CHKA: variants seen among roughly 807,000 people sequenced by gnomAD.
CHKA encodes choline kinase alpha, also known as CHETK-alpha.
Under a neutral mutation model 60.1 loss-of-function variants are expected in CHKA, and 34 were observed. That is an observed-to-expected ratio of 0.57 (90% CI 0.43 to 0.75). CHKA has a LOEUF of 0.75. Among genes scored for constraint, CHKA ranks in the 30% least tolerant of loss-of-function variants. CHKA has a pLI of 0.00. For synonymous variants in CHKA, 217 were observed against 223.1 expected (o/e 0.97, Z 0.24); for missense variants, 563 against 561.3 (o/e 1.00, Z -0.03).
chr11:68,065,949 C>T, intron 8 of CHKA, 55 bp from the exon 9 acceptor site: 1 of 1,251,680 alleles, frequency 8.0e-7, no homozygotes, highest in Non-Finnish European at 1.1e-6. Flanking sequence ...TGCCTGGAGG[C>T]TCCCTGACTG....
At chr11:68,069,800 G>T (rs1014691093) in intron 6 of CHKA, among the ~76,000 whole-genome samples, 2 of 152,130 alleles carry the variant, frequency 1.3e-5, no homozygotes, top group Non-Finnish European at 2.9e-5. Flanking sequence ...TGAAGACTCT[G>T]TTTCTCGCAA....
intron 11 of CHKA, among the ~76,000 whole-genome samples, chr11:68,056,952 G>A (rs2134484725): frequency 6.6e-6 from 1 of 152,310 alleles, no homozygotes; most frequent in Middle Eastern, 3.4e-3. Context: ...CCAATATATG[G>A]CTAGTTGGTC....
At position 68,098,637 on chromosome 11, in the gene CHKA, T is replaced by C. The variant is rs145962104; in HGVS notation, c.351-1507A>G. On this transcript the variant is annotated intron_variant, in intron 1 of 11. Transcript: ENST00000265689. ...TGCCACTAAACTATATATTTTTAAA[T>C]TGTTAAAATTGTATTTTTAATGCTG... Among the ~76,000 whole-genome samples, 587 of 152,304 alleles carry C rather than the reference T, an allele frequency of 3.9e-3. 6 individuals carry two copies. The highest frequency in any genetic ancestry group is 0.014 in the African/African-American group (570 of 41,556).
At chr11:68,111,215 C>G (rs1037086755) in intron 1 of CHKA, among the ~76,000 whole-genome samples, 3 of 151,844 alleles carry the variant, frequency 2.0e-5, no homozygotes, top group Non-Finnish European at 4.4e-5. Context: ...AGTTCGAGAC[C>G]AGCCTGGCCA....
At chr11:68,101,407 T>G (rs1857717167) in intron 1 of CHKA, among the ~76,000 whole-genome samples, 1 of 152,216 alleles carries the variant, frequency 6.6e-6, no homozygotes, top group African/African-American at 2.4e-5. Context: ...ATCTTACATA[T>G]AGAAAACCCT....
chr11:68,095,019 C>T (rs531973404), intron 2 of CHKA, among the ~76,000 whole-genome samples: 5 of 152,134 alleles, frequency 3.3e-5, no homozygotes, highest in Non-Finnish European at 5.9e-5. Context: ...TTAGATTGAG[C>T]TGAAATAGGC....
intron 2 of CHKA, among the ~76,000 whole-genome samples, chr11:68,082,959 TG>T (rs1365554521): frequency 6.6e-6 from 1 of 152,238 alleles, no homozygotes; most frequent in African/African-American, 2.4e-5. Context: ...TCTTTGCAGA[TG>T]GTTTGATGTG....
chr11:68,058,479 CTTCT>C (rs1025980997), intron 11 of CHKA, among the ~76,000 whole-genome samples: 16 of 152,268 alleles, frequency 1.1e-4, no homozygotes, highest in African/African-American at 2.6e-4. Context: ...ATTTATTTCA[CTTCT>C]TTATTTTTTA....
intron 10 of CHKA, among the ~76,000 whole-genome samples, 193 bp downstream of exon 10, chr11:68,064,332 C>T (rs1390600446): frequency 3.3e-5 from 5 of 151,620 alleles, no homozygotes; most frequent in South Asian, 4.2e-4. Flanking sequence ...TGCTTGAACC[C>T]GGGAGGCGGA....
intron 11 of CHKA, among the ~76,000 whole-genome samples, chr11:68,055,252 C>T (rs1329458876): frequency 1.3e-5 from 2 of 152,066 alleles, no homozygotes; most frequent in Admixed American, 6.6e-5. Flanking sequence ...TAGCTGGGTG[C>T]GGTGGCGGGC....
At chr11:68,117,155 G>A (rs554402309) in intron 1 of CHKA, among the ~76,000 whole-genome samples, 1 of 152,224 alleles carries the variant, frequency 6.6e-6, no homozygotes, top group South Asian at 2.1e-4. Context: ...GACACAGAGG[G>A]GAAAGAAATT....
intron 10 of CHKA, among the ~76,000 whole-genome samples, chr11:68,063,174 T>C (rs984653564): frequency 5.9e-5 from 9 of 152,040 alleles, no homozygotes; most frequent in Non-Finnish European, 1.0e-4. Context: ...AAACACAGCA[T>C]ATGGTGGCCG....
intron 2 of CHKA, among the ~76,000 whole-genome samples, chr11:68,096,789 T>C (rs1448102965): frequency 3.3e-5 from 5 of 152,180 alleles, no homozygotes; most frequent in African/African-American, 4.8e-5. Context: ...GATGTAAAAC[T>C]GGGAATACTT....
At chr11:68,062,727 A>G (rs1221472211) in intron 10 of CHKA, among the ~76,000 whole-genome samples, 1 of 152,180 alleles carries the variant, frequency 6.6e-6, no homozygotes, top group Non-Finnish European at 1.5e-5. Flanking sequence ...CCGGCCCACA[A>G]GAGTCCCGTG....
chr11:68,096,909 T>C, intron 2 of CHKA, 110 bp downstream of exon 2: 1 of 665,462 alleles, frequency 1.5e-6, no homozygotes, highest in Non-Finnish European at 2.5e-6. Context: ...TACTCAAATA[T>C]CTTTAGTAAC....
At chr11:68,088,217 T>C (rs1857247692) in intron 2 of CHKA, among the ~76,000 whole-genome samples, 1 of 151,924 alleles carries the variant, frequency 6.6e-6, no homozygotes, top group Non-Finnish European at 1.5e-5. Flanking sequence ...TCCATCTTTC[T>C]ACTAATCTGG....
intron 1 of CHKA, among the ~76,000 whole-genome samples, chr11:68,119,142 C>A (rs557871869): frequency 6.6e-6 from 1 of 152,164 alleles, no homozygotes; most frequent in Non-Finnish European, 1.5e-5. Flanking sequence ...TTGGAGAGAG[C>A]TGAATTTTTT....
intron 11 of CHKA, among the ~76,000 whole-genome samples, chr11:68,059,348 TA>T (rs1856139092): frequency 6.6e-6 from 1 of 152,244 alleles, no homozygotes; most frequent in Non-Finnish European, 1.5e-5. Flanking sequence ...TTCATTCTGT[TA>T]ATATGAAGAA....
At chr11:68,084,138 T>C (rs1215595910) in intron 2 of CHKA, among the ~76,000 whole-genome samples, 2 of 150,332 alleles carry the variant, frequency 1.3e-5, no homozygotes, top group Non-Finnish European at 3.0e-5. Context: ...TCCCAGCTAC[T>C]CAGGAGGCTG....
Sources: allele counts gnomAD v4.1 joint callset (sites outside exome capture counted in the v4.1 genomes callset), GRCh38; gene constraint gnomAD v4.1.1; transcripts MANE v1.5; gene names NCBI Gene and HGNC (gene_info 2026-07-23, HGNC 2026-07-21).